The following NEDD9 variants were observed in gnomAD, a reference collection of about 807,000 sequenced individuals.
The protein encoded by NEDD9 is enhancer of filamentation 1.
A neutral mutation model predicts 76.6 loss-of-function variants in NEDD9; 26 were observed. The observed-to-expected ratio is 0.34, with a 90% CI of 0.25 to 0.47. NEDD9 has a LOEUF of 0.47. NEDD9 is among the 20% of genes least tolerant of loss of function. The pLI, the probability that NEDD9 is intolerant of heterozygous loss-of-function variation, is 1.00. For synonymous variants in NEDD9, 392 were observed against 414.2 expected, an observed-to-expected ratio of 0.95 and a Z score of 0.65; for missense variants, 937 against 1,058.5, an observed-to-expected ratio of 0.89 and a Z score of 1.59.
chr6:11,192,365 C>T lies in NEDD9; in HGVS notation c.643G>A (p.Asp215Asn). The T allele has an allele frequency of 6.7e-7, 1 of 1,488,888 alleles. No individual in the cohort carries two copies. The allele number at this position is 1,488,888 out of a possible 1,614,324, so 92.2% of individuals were successfully genotyped here. A position where few individuals can be genotyped will look rare whatever the true frequency, so the allele number is the denominator to read the frequency against. Residue 215 changes from aspartate (D) to asparagine (N), a missense_variant, in exon 4 of 7, where the codon GAC becomes AAC. Physicochemically the swap from Asp to Asn is conservative, Grantham distance 23 (BLOSUM62 1). Transcript: ENST00000379446. Reference sequence around the variant, plus strand: ...CTCACCCCTTTTGTAGGCGGGATGTCATACACCCCTTGAGGTTTTATCTCT... The same window carrying T: ...CTCACCCCTTTTGTAGGCGGGATGTTATACACCCCTTGAGGTTTTATCTCT... ...VGEIKPQGVY[D>N]IPPTKGVYAI...
At chr6:11,371,166 A>T (rs1312420901) in intron 1 of NEDD9, among the ~76,000 whole-genome samples, 1 of 152,172 alleles carries the variant, frequency 6.6e-6, no homozygotes, top group Non-Finnish European at 1.5e-5. Flanking sequence ...AAAGGTACAG[A>T]GATTTCCCAT....
At chr6:11,272,130 G>A (rs1760320613) in intron 3 of NEDD9, among the ~76,000 whole-genome samples, 1 of 152,140 alleles carries the variant, frequency 6.6e-6, no homozygotes, top group South Asian at 2.1e-4. Flanking sequence ...CTTTCCATGG[G>A]TGCTGAGCCT....
At chr6:11,313,220 A>G (rs1253470314) in intron 2 of NEDD9, among the ~76,000 whole-genome samples, 1 of 151,724 alleles carries the variant, frequency 6.6e-6, no homozygotes, top group East Asian at 1.9e-4. Context: ...TATATGATGG[A>G]TGGATGGATG....
At chr6:11,298,460 T>A (rs933670001) in intron 3 of NEDD9, among the ~76,000 whole-genome samples, 1 of 152,170 alleles carries the variant, frequency 6.6e-6, no homozygotes, top group African/African-American at 2.4e-5. Context: ...GGTTTTTAGG[T>A]TTAGAATTCC....
intron 1 of NEDD9, among the ~76,000 whole-genome samples, chr6:11,365,852 G>A (rs765255960): frequency 1.6e-4 from 24 of 152,072 alleles, no homozygotes; most frequent in Non-Finnish European, 2.8e-4. Flanking sequence ...TTAGGTGGAT[G>A]TGATGGCATG....
chr6:11,264,363 C>T (rs932177307), intron 3 of NEDD9, among the ~76,000 whole-genome samples: 1 of 152,152 alleles, frequency 6.6e-6, no homozygotes, highest in Non-Finnish European at 1.5e-5. Flanking sequence ...GCATCCCGCG[C>T]TCATAGGTCA....
At chr6:11,256,216 C>T (rs1760003820) in intron 3 of NEDD9, among the ~76,000 whole-genome samples, 1 of 152,202 alleles carries the variant, frequency 6.6e-6, no homozygotes, top group Non-Finnish European at 1.5e-5. Context: ...CTTGGTGCTT[C>T]AGAACCACCT....
At chr6:11,228,529 C>T (rs1221799036) in intron 1 of NEDD9, among the ~76,000 whole-genome samples, 2 of 145,050 alleles carry the variant, frequency 1.4e-5, no homozygotes, top group Non-Finnish European at 3.0e-5. Context: ...GACTTGATCT[C>T]AAAAAAAGAA....
chr6:11,282,171 T>TC (rs1468380511), intron 3 of NEDD9, among the ~76,000 whole-genome samples: 1 of 152,248 alleles, frequency 6.6e-6, no homozygotes, highest in Non-Finnish European at 1.5e-5. Context: ...TTTCAGGTGT[T>TC]CATCTCCTTT....
rs993921568 is a variant in NEDD9, at chr6:11,355,973, G to T, written c.-213-21412C>A. Among the ~76,000 whole-genome samples, 8 of 152,088 alleles carry T rather than the reference G, an allele frequency of 5.3e-5. No homozygotes were observed. In the East Asian group the frequency reaches 7.7e-4, roughly 15 times the overall value. On this transcript the variant is annotated intron_variant, in intron 1 of 3. Transcript: ENST00000397378. The stretch of plus-strand genomic sequence containing the variant: ...CCTGACCTCGTGATCTGCCCACCTT[G>T]GCCTCCCAAAGTCCTGGGATTGCAG...
chr6:11,237,041 C>T (rs1759617314), upstream of NEDD9, among the ~76,000 whole-genome samples: 1 of 152,160 alleles, frequency 6.6e-6, no homozygotes, highest in African/African-American at 2.4e-5. The surrounding 1 kb of genome is among the most constrained non-coding windows in gnomAD (Gnocchi z 4.9). Context: ...GACCCCCCTT[C>T]ACTCTTCTGC....
intron 1 of NEDD9, among the ~76,000 whole-genome samples, chr6:11,377,181 GA>G (rs1423711086): frequency 6.6e-6 from 1 of 152,262 alleles, no homozygotes; most frequent in Non-Finnish European, 1.5e-5. Context: ...AATGCCAGGG[GA>G]AATGTGGGGT....
Position 11,190,553 on chromosome 6 carries a change from C to T in NEDD9, c.1316G>A (p.Gly439Glu). The T allele has an allele frequency of 6.2e-7, 1 of 1,614,236 alleles. No individual in the cohort carries two copies. The highest frequency in any genetic ancestry group is 8.5e-7 in the Non-Finnish European group (1 of 1,180,048). Residue 439 changes from glycine (G) to glutamate (E), a missense_variant, in exon 5 of 7, where the codon GGA becomes GAA. Coordinates refer to ENST00000379446, the MANE Select transcript of NEDD9 (RefSeq NM_006403.4). This position sits in a 1 kb window ranked among gnomAD's most constrained non-coding sequence, Gnocchi z 5.8. ...ALVTTDWRCY[G>E]YMERHINEIR... ...TTCATTGATGTGTCTTTCCATATAT[C>T]CGTAACACCGCCAGTCGGTAGTGAC...
At chr6:11,275,031 A>G (rs1288025272) in intron 3 of NEDD9, among the ~76,000 whole-genome samples, 1 of 152,222 alleles carries the variant, frequency 6.6e-6, no homozygotes, top group Non-Finnish European at 1.5e-5. Flanking sequence ...AATAAAGAAA[A>G]CGCAGGACAT....
chr6:11,263,333 C>T (rs775171982), intron 3 of NEDD9, among the ~76,000 whole-genome samples: 1 of 152,216 alleles, frequency 6.6e-6, no homozygotes, highest in Non-Finnish European at 1.5e-5. Flanking sequence ...TCCAGACAGA[C>T]TGAAGGCAAA....
intron 1 of NEDD9, among the ~76,000 whole-genome samples, chr6:11,349,144 A>G (rs1762417213): frequency 6.6e-6 from 1 of 152,252 alleles, no homozygotes; most frequent in African/African-American, 2.4e-5. Flanking sequence ...GAAGACATAC[A>G]TGTGACCAAC....
chr6:11,199,905 C>A (rs900515108), intron 2 of NEDD9: 1 of 154,714 alleles, frequency 6.5e-6, no homozygotes, highest in African/African-American at 2.4e-5. Flanking sequence ...GATCTCCTGA[C>A]CTCGTGATCC....
rs547679435 is a variant in NEDD9 at position 11,219,971 on chromosome 6, T to C, written c.13-6244A>G. On this transcript the variant is annotated intron_variant, in intron 1 of 6. Coordinates refer to ENST00000379446, the MANE Select transcript of NEDD9 (RefSeq NM_006403.4). The stretch of plus-strand genomic sequence containing the variant: ...TTTGAGTTGGTTCCTCTTGAGATTA[T>C]GAAGTCACAGGCATGAAGCTTTCAA... Among the ~76,000 whole-genome samples the C allele has an allele frequency of 7.9e-5, 12 of 152,354 alleles. No homozygotes were observed. In the East Asian group the frequency reaches 2.1e-3, roughly 27 times the overall value.
Position 11,193,643 on chromosome 6 carries a change from G to T in NEDD9, c.509C>A (p.Ser170Tyr). Residue 170 changes from serine (S) to tyrosine (Y), a missense_variant, in exon 3 of 7, where the codon TCC (serine) becomes TAC (tyrosine). Coordinates refer to ENST00000379446, the MANE Select transcript of NEDD9 (RefSeq NM_006403.4). ...ATCATAGACGTCCTTTTGGTATCTG[G>T]ATGGGTACTCGTATACGTAGCCATG... ...TGHGYVYEYP[S>Y]RYQKDVYDIP... is the part of the protein sequence containing the mutation. 1 of 1,613,972 alleles carries T rather than the reference G, an allele frequency of 6.2e-7. No individual in the cohort carries two copies. The highest frequency in any genetic ancestry group is 8.5e-7 in the Non-Finnish European group (1 of 1,179,894).
Sources: allele counts gnomAD v4.1 joint callset (sites outside exome capture counted in the v4.1 genomes callset), GRCh38; gene constraint gnomAD v4.1.1; non-coding constraint Gnocchi (gnomAD v3.1); transcripts MANE v1.5; gene names NCBI Gene and HGNC (gene_info 2026-07-23, HGNC 2026-07-21).